The following ASCC3 variants were observed in gnomAD, a reference collection of about 807,000 sequenced individuals.
ASCC3 encodes ASC-1 complex subunit P200.
A neutral mutation model predicts 256.3 loss-of-function variants in ASCC3; 158 were observed. The ratio of observed to expected loss-of-function variants is 0.62; its 90% CI spans 0.54 to 0.70. The LOEUF is 0.70. ASCC3 is among the 30% of genes least tolerant of loss of function. The probability of loss-of-function intolerance (pLI) is 0.00; values close to 1 mark genes in which losing one functional copy is unlikely to be tolerated. For missense variants in ASCC3, 2,259 were observed against 2,626.0 expected (o/e 0.86, Z 3.05); for synonymous variants, 948 against 883.4 (o/e 1.07, Z -1.30).
chr6:100,609,879 C>T (rs533755096), intron 30 of ASCC3, among the ~76,000 whole-genome samples: 1 of 152,188 alleles, frequency 6.6e-6, no homozygotes, highest in South Asian at 2.1e-4. Flanking sequence ...CAGTGCATTC[C>T]AGCCTGGGCA....
chr6:100,580,082 G>C (rs1406856450), intron 36 of ASCC3, among the ~76,000 whole-genome samples: 1 of 151,876 alleles, frequency 6.6e-6, no homozygotes, highest in East Asian at 1.9e-4. Context: ...TATTCTTTTT[G>C]TTGCTATTGT....
chr6:100,798,443 GT>G (rs1365370796), intron 8 of ASCC3, among the ~76,000 whole-genome samples: 5 of 151,346 alleles, frequency 3.3e-5, no homozygotes, highest in Non-Finnish European at 7.4e-5. Flanking sequence ...ATTTAAATCA[GT>G]TTGCATAAGT....
rs77831538 is a variant in ASCC3 at position 100,853,158 on chromosome 6, G to C, written c.242-4451C>G. ...CTTACCATATAAAATGATATATTTG[G>C]TAGATTGTTACTATAAGATTATAAA... On this transcript the variant is annotated intron_variant, in intron 3 of 41. Coordinates refer to ENST00000369162, the MANE Select transcript of ASCC3 (RefSeq NM_006828.4). Among the ~76,000 whole-genome samples, 10 of 152,104 alleles carry C rather than the reference G, an allele frequency of 6.6e-5. No homozygotes were observed. The East Asian group carries it at 1.9e-3, about 29-fold the overall frequency.
At chr6:100,741,371 T>C (rs1582792270) in intron 10 of ASCC3, among the ~76,000 whole-genome samples, 2 of 152,298 alleles carry the variant, frequency 1.3e-5, no homozygotes, top group South Asian at 4.2e-4. Flanking sequence ...GGGATTGATC[T>C]TCTCATGGAT....
chr6:100,604,495 G>A (rs1002402240), intron 33 of ASCC3, among the ~76,000 whole-genome samples: 2 of 150,366 alleles, frequency 1.3e-5, no homozygotes, highest in African/African-American at 4.9e-5. Context: ...TCACCCTGTT[G>A]CTCAAATTAG....
intron 3 of ASCC3, among the ~76,000 whole-genome samples, chr6:100,850,098 C>CAAAAAAA (rs61582863): frequency 5.7e-4 from 46 of 80,608 alleles, no homozygotes; most frequent in East Asian, 7.8e-4. Flanking sequence ...GAGACTCTAT[C>CAAAAAAA]AAAAAAAAAA....
intron 36 of ASCC3, among the ~76,000 whole-genome samples, chr6:100,582,830 A>G (rs918200671): frequency 6.6e-6 from 1 of 152,186 alleles, no homozygotes; most frequent in African/African-American, 2.4e-5. Context: ...CCTTTCCTCC[A>G]TCTATTGAGA....
At chr6:100,764,637 A>G (rs1781564950) in intron 10 of ASCC3, among the ~76,000 whole-genome samples, 1 of 152,120 alleles carries the variant, frequency 6.6e-6, no homozygotes, top group Admixed American at 6.6e-5. Flanking sequence ...CAGGTCACAA[A>G]GAACTTTGTC....
chr6:100,532,851 C>G (rs1248187499), intron 37 of ASCC3, among the ~76,000 whole-genome samples: 1 of 151,932 alleles, frequency 6.6e-6, no homozygotes, highest in African/African-American at 2.4e-5. Flanking sequence ...TATATTCAGG[C>G]TACTGGAATT....
At chr6:100,853,911 ATACAACAAAG>A (rs1241141649) in intron 3 of ASCC3, among the ~76,000 whole-genome samples, 3 of 152,200 alleles carry the variant, frequency 2.0e-5, no homozygotes, top group Non-Finnish European at 4.4e-5. Flanking sequence ...ACAACATTAG[ATACAACAAAG>A]TACATTATTT....
In ASCC3 at chr6:100,721,600, AAT is replaced by A. The variant is rs746742277; in HGVS notation, c.1903-3351_1903-3350del. Among the ~76,000 whole-genome samples the A allele has an allele frequency of 4.6e-5, 7 of 151,670 alleles. No individual in the cohort carries two copies. In the South Asian group the frequency reaches 6.2e-4, roughly 13 times the overall value. On this transcript the variant is annotated intron_variant, in intron 11 of 41. Coordinates refer to ENST00000369162, the MANE Select transcript of ASCC3 (RefSeq NM_006828.4). Reference sequence around the variant, plus strand: ...ACCTGGATTTTAAAAATTGCTCTTAAATTGGATTTTAGCTAAAAGCTGGTTTT... The same window carrying A: ...ACCTGGATTTTAAAAATTGCTCTTAATGGATTTTAGCTAAAAGCTGGTTTT...
intron 30 of ASCC3, among the ~76,000 whole-genome samples, chr6:100,608,153 TAC>T (rs1476462153): frequency 1.0e-4 from 12 of 119,916 alleles, no homozygotes; most frequent in Non-Finnish European, 1.8e-4. Flanking sequence ...TATCTATATA[TAC>T]ATATTTATAT....
At chr6:100,537,645 G>A (rs558646586) in intron 37 of ASCC3, among the ~76,000 whole-genome samples, 3 of 151,808 alleles carry the variant, frequency 2.0e-5, no homozygotes, top group Admixed American at 6.6e-5. Flanking sequence ...CAAAACGAAA[G>A]TCTAATTTTA....
intron 22 of ASCC3, among the ~76,000 whole-genome samples, chr6:100,646,067 G>A (rs1448951638): frequency 2.0e-5 from 3 of 152,002 alleles, no homozygotes; most frequent in Non-Finnish European, 4.4e-5. Flanking sequence ...GAAAAATCTT[G>A]AATTTTTTGG....
chr6:100,509,536 A>G lies in ASCC3; in HGVS notation c.6462-3T>C. The stretch of plus-strand genomic sequence containing the variant: ...TGAAATATAATGTGTAGATATACCT[A>G]AAATATAAAAATAGAAGAAAAATGT... On this transcript the variant is annotated splice_region_variant and splice_polypyrimidine_tract_variant and intron_variant, in intron 41 of 41. Coordinates refer to ENST00000369162, the MANE Select transcript of ASCC3 (RefSeq NM_006828.4). The G allele has an allele frequency of 6.2e-7, 1 of 1,609,006 alleles. No individual in the cohort carries two copies. The highest frequency in any genetic ancestry group is 8.5e-7 in the Non-Finnish European group (1 of 1,175,802).
At chr6:100,533,284 CAAA>C (rs1279396829) in intron 37 of ASCC3, among the ~76,000 whole-genome samples, 1 of 151,844 alleles carries the variant, frequency 6.6e-6, no homozygotes, top group Non-Finnish European at 1.5e-5. Flanking sequence ...TAATTATAAA[CAAA>C]AATACATAAA....
At chr6:100,769,132 C>A (rs1355705830) in intron 8 of ASCC3, among the ~76,000 whole-genome samples, 1 of 151,962 alleles carries the variant, frequency 6.6e-6, no homozygotes, top group Non-Finnish European at 1.5e-5. Flanking sequence ...AAAGAAGATA[C>A]CACATGATCT....
At chr6:100,800,227 A>C in intron 6 of ASCC3, 73 bp downstream of exon 6, 1 of 1,515,390 alleles carries the variant, frequency 6.6e-7, no homozygotes, top group Admixed American at 1.7e-5. Context: ...CTAAGACTAA[A>C]CTAAAAAGTG....
intron 13 of ASCC3, among the ~76,000 whole-genome samples, chr6:100,685,901 T>C (rs1446931568): frequency 1.3e-5 from 2 of 152,214 alleles, no homozygotes; most frequent in African/African-American, 4.8e-5. Context: ...TAGATCACAG[T>C]GCGAGCCAGC....
Sources: gnomAD v4.1 joint callset for allele counts (sites outside exome capture counted in the v4.1 genomes callset) on GRCh38, gnomAD v4.1.1 for gene constraint, MANE v1.5 for transcripts, NCBI Gene and HGNC (gene_info 2026-07-23, HGNC 2026-07-21) for gene names.